FUT9: variants seen among roughly 807,000 people sequenced by gnomAD.
The protein encoded by FUT9 is fucosyltransferase 9, also known as 4-galactosyl-N-acetylglucosaminide 3-alpha-L-fucosyltransferase 9.
A neutral mutation model predicts 29.7 loss-of-function variants in FUT9; 15 were observed. The ratio of observed to expected loss-of-function variants is 0.51; its 90% CI spans 0.34 to 0.78. The LOEUF (loss-of-function observed/expected upper bound fraction) is 0.78. FUT9 is among the 30% of genes least tolerant of loss of function. The pLI is 0.01. For synonymous variants in FUT9, 169 were observed against 153.7 expected (o/e 1.10, Z -0.74); for missense variants, 319 against 425.4 (o/e 0.75, Z 2.20).
intron 1 of FUT9, among the ~76,000 whole-genome samples, chr6:96,090,198 G>A (rs1771387645): frequency 6.6e-6 from 1 of 151,986 alleles, no homozygotes; most frequent in Non-Finnish European, 1.5e-5. Flanking sequence ...GAACCAAAAA[G>A]ATAGTATCAA....
Position 96,212,024 on chromosome 6 carries a change from T to C in FUT9, c.*7789T>C. On this transcript the variant is annotated 3_prime_UTR_variant, in exon 3 of 3. Coordinates refer to ENST00000302103, the MANE Select transcript of FUT9 (RefSeq NM_006581.4). ...TTTAAGGGCCAATTCTACAGAAAGT[T>C]ATGCTAACATGCTAACTTTCCACAC... 2.4e-6 allele frequency: 1 copy of C among 412,020 alleles called. No homozygotes were observed. The allele number at this position is 412,020 out of a possible 1,614,324, so 25.5% of individuals were successfully genotyped here. A position where few individuals can be genotyped will look rare whatever the true frequency, so the allele number is the denominator to read the frequency against.
intron 2 of FUT9, among the ~76,000 whole-genome samples, chr6:96,178,204 T>C (rs1773240675): frequency 2.0e-5 from 3 of 152,142 alleles, no homozygotes; most frequent in African/African-American, 7.2e-5. Context: ...CAATTCAATA[T>C]CCAGGCACGA....
At chr6:96,162,510 C>A (rs977992570) in intron 2 of FUT9, among the ~76,000 whole-genome samples, 2 of 152,058 alleles carry the variant, frequency 1.3e-5, no homozygotes, top group Non-Finnish European at 2.9e-5. Context: ...GTAACCTTAC[C>A]CTTTCCAGTC....
At chr6:96,108,684 A>G (rs1361259479) in intron 1 of FUT9, among the ~76,000 whole-genome samples, 1 of 152,156 alleles carries the variant, frequency 6.6e-6, no homozygotes, top group Non-Finnish European at 1.5e-5. Flanking sequence ...AAATGACATT[A>G]TCCTTGTTAT....
At chr6:96,119,060 T>A (rs1771969929) in intron 2 of FUT9, among the ~76,000 whole-genome samples, 1 of 152,130 alleles carries the variant, frequency 6.6e-6, no homozygotes, top group Non-Finnish European at 1.5e-5. Context: ...TAAGCTAATA[T>A]TAAATTACTG....
intron 1 of FUT9, among the ~76,000 whole-genome samples, chr6:96,018,278 G>A (rs1770014629): frequency 6.6e-6 from 1 of 152,076 alleles, no homozygotes; most frequent in African/African-American, 2.4e-5. Context: ...TTGAAAGCAA[G>A]GAGTAATACT....
intron 1 of FUT9, among the ~76,000 whole-genome samples, chr6:96,050,956 G>A (rs1329565753): frequency 1.3e-5 from 2 of 152,016 alleles, no homozygotes; most frequent in African/African-American, 4.8e-5. Flanking sequence ...TCAACTGAGT[G>A]ATGTGTGCAT....
At chr6:96,092,137 A>G (rs1582223484) in intron 1 of FUT9, among the ~76,000 whole-genome samples, 1 of 152,252 alleles carries the variant, frequency 6.6e-6, no homozygotes, top group African/African-American at 2.4e-5. Flanking sequence ...TGATCTATTT[A>G]TCAGATTAAT....
chr6:96,159,310 C>A (rs965327065), intron 2 of FUT9, among the ~76,000 whole-genome samples: 2 of 152,012 alleles, frequency 1.3e-5, no homozygotes, highest in African/African-American at 4.8e-5. Context: ...AACAGGGATG[C>A]AGGAATTGAT....
chr6:96,139,361 C>T (rs1379880686), intron 2 of FUT9, among the ~76,000 whole-genome samples: 1 of 152,168 alleles, frequency 6.6e-6, no homozygotes, highest in Non-Finnish European at 1.5e-5. Flanking sequence ...TTGCAGGGTA[C>T]AGATCCCTCC....
At chr6:96,168,221 C>T (rs1214280606) in intron 2 of FUT9, among the ~76,000 whole-genome samples, 2 of 151,948 alleles carry the variant, frequency 1.3e-5, no homozygotes, top group East Asian at 1.9e-4. Context: ...GTGGGAAGTC[C>T]AAATGGAAGG....
At chr6:96,124,799 C>T (rs543278536) in intron 2 of FUT9, among the ~76,000 whole-genome samples, 2 of 152,228 alleles carry the variant, frequency 1.3e-5, no homozygotes, top group Admixed American at 1.3e-4. Context: ...ATAACTCTTC[C>T]TCTCTCTTCT....
chr6:96,129,175 G>A (rs1471736696), intron 2 of FUT9, among the ~76,000 whole-genome samples: 1 of 150,460 alleles, frequency 6.6e-6, no homozygotes, highest in African/African-American at 2.5e-5. Flanking sequence ...TGAGGCAGGA[G>A]AATGGCATGA....
At chr6:96,068,233 T>C (rs1770996052) in intron 1 of FUT9, among the ~76,000 whole-genome samples, 1 of 152,084 alleles carries the variant, frequency 6.6e-6, no homozygotes, top group Admixed American at 6.5e-5. Context: ...ATGAAATAGC[T>C]TGGCTTGCCC....
rs1773956014 is a variant in FUT9, at chr6:96,212,437, A to G, written c.*8202A>G. ...CCTGGAAGTAGTCTACTTTTTAGAT[A>G]AAAGATAATCTATCTTGAATATTTC... On this transcript the variant is annotated 3_prime_UTR_variant, in exon 3 of 3. Transcript: ENST00000302103. The G allele has an allele frequency of 2.4e-6, 1 of 411,626 alleles. No individual in the cohort carries two copies. Among genetic ancestry groups the G allele is most frequent in the Non-Finnish European group, 4.4e-6 (1 of 224,902 alleles). The allele number at this position is 411,626 out of a possible 1,614,324, so 25.5% of individuals were successfully genotyped here.
At chr6:96,134,967 T>A (rs1772319926) in intron 2 of FUT9, among the ~76,000 whole-genome samples, 1 of 151,980 alleles carries the variant, frequency 6.6e-6, no homozygotes, top group African/African-American at 2.4e-5. Context: ...TTGTCTAATA[T>A]GTAAACTTGT....
chr6:96,052,036 T>C (rs978628623), intron 1 of FUT9, among the ~76,000 whole-genome samples: 3 of 152,132 alleles, frequency 2.0e-5, no homozygotes, highest in Non-Finnish European at 4.4e-5. Flanking sequence ...GTTTAATTGA[T>C]TCACAGTTCT....
chr6:96,060,789 G>A (rs1019491681), intron 1 of FUT9, among the ~76,000 whole-genome samples: 2 of 152,076 alleles, frequency 1.3e-5, no homozygotes, highest in African/African-American at 2.4e-5. Flanking sequence ...CTGCCTGCCT[G>A]GGCCTCCCAA....
At chr6:96,053,933 A>G (rs1770718187) in intron 1 of FUT9, among the ~76,000 whole-genome samples, 1 of 152,138 alleles carries the variant, frequency 6.6e-6, no homozygotes, top group Non-Finnish European at 1.5e-5. Context: ...TTGTGAACAT[A>G]ATACTATATG....
Sources: allele counts gnomAD v4.1 joint callset (sites outside exome capture counted in the v4.1 genomes callset), GRCh38; gene constraint gnomAD v4.1.1; transcripts MANE v1.5; gene names NCBI Gene and HGNC (gene_info 2026-07-23, HGNC 2026-07-21).